Variants in LRMDA observed in about 807,000 individuals in gnomAD.
LRMDA encodes the protein leucine rich melanocyte differentiation associated.
LRMDA carries 18 observed loss-of-function variants against 29.8 expected under a neutral mutation model. That is an observed-to-expected ratio of 0.60 (90% confidence interval 0.42 to 0.90). LRMDA has a LOEUF of 0.90. Ranked by LOEUF, LRMDA falls within the 40% of genes least tolerant of loss-of-function variation. LRMDA has a pLI of 0.00. For missense variants in LRMDA, 273 were observed against 273.9 expected (o/e 1.00, Z 0.02); for synonymous variants, 125 against 109.4 (o/e 1.14, Z -0.89).
intron 5 of LRMDA, among the ~76,000 whole-genome samples, chr10:76,276,015 A>ATCTG (rs1238737731): frequency 7.3e-6 from 1 of 136,166 alleles, no homozygotes; most frequent in Non-Finnish European, 1.6e-5. Flanking sequence ...GAATCTATCT[A>ATCTG]TCTATCTATC....
At chr10:75,627,995 C>T (rs1267597426) in intron 2 of LRMDA, among the ~76,000 whole-genome samples, 1 of 152,184 alleles carries the variant, frequency 6.6e-6, no homozygotes, top group African/African-American at 2.4e-5. Context: ...CTCCAGCATC[C>T]TGGATGGTGC....
At chr10:75,971,717 G>A (rs1393925167) in intron 2 of LRMDA, among the ~76,000 whole-genome samples, 1 of 152,050 alleles carries the variant, frequency 6.6e-6, no homozygotes, top group African/African-American at 2.4e-5. Flanking sequence ...AGAATTATTG[G>A]GTATTTCAAG....
At chr10:75,761,304 G>A (rs867180783) in intron 2 of LRMDA, among the ~76,000 whole-genome samples, 6 of 152,070 alleles carry the variant, frequency 3.9e-5, no homozygotes, top group African/African-American at 1.4e-4. Context: ...ACAGATGAAT[G>A]GATAAACAAA....
chr10:76,225,314 G>A (rs903443906), intron 5 of LRMDA, among the ~76,000 whole-genome samples: 5 of 152,124 alleles, frequency 3.3e-5, no homozygotes, highest in African/African-American at 1.2e-4. Flanking sequence ...AGGAGGCAGA[G>A]GCAGGAGAAT....
chr10:76,043,063 A>G (rs760100934), intron 3 of LRMDA, among the ~76,000 whole-genome samples: 35 of 152,222 alleles, frequency 2.3e-4, no homozygotes, highest in Non-Finnish European at 4.4e-4. Flanking sequence ...CAGAGGTTGC[A>G]GTGAGCCGAG....
At chr10:76,285,290 G>A (rs1412588807) in intron 5 of LRMDA, among the ~76,000 whole-genome samples, 3 of 152,078 alleles carry the variant, frequency 2.0e-5, no homozygotes, top group African/African-American at 7.2e-5. Context: ...AAGTCACAAA[G>A]GGAGTAGTCA....
At chr10:75,473,647 T>A (rs555622674) in intron 2 of LRMDA, among the ~76,000 whole-genome samples, 1 of 152,332 alleles carries the variant, frequency 6.6e-6, no homozygotes, top group South Asian at 2.1e-4. Context: ...TGATGCTGGG[T>A]GAACTCCTTA....
intron 2 of LRMDA, among the ~76,000 whole-genome samples, chr10:75,806,051 G>T (rs541536315): frequency 1.3e-5 from 2 of 152,126 alleles, no homozygotes; most frequent in East Asian, 3.9e-4. Context: ...GGCAGGAGGC[G>T]AAGTGGGAGC....
chr10:76,513,665 T>G (rs762288565), intron 6 of LRMDA, among the ~76,000 whole-genome samples: 2 of 152,190 alleles, frequency 1.3e-5, no homozygotes, highest in Non-Finnish European at 2.9e-5. Flanking sequence ...TTATATATAA[T>G]AGTTGTCTGT....
chr10:75,599,768 A>G (rs1840857339), intron 2 of LRMDA, among the ~76,000 whole-genome samples: 1 of 152,170 alleles, frequency 6.6e-6, no homozygotes. Context: ...GAGGAACCGA[A>G]TTTTAAATTT....
chr10:76,210,915 A>G (rs1444103951), intron 5 of LRMDA, among the ~76,000 whole-genome samples: 3 of 152,178 alleles, frequency 2.0e-5, no homozygotes, highest in Non-Finnish European at 4.4e-5. Flanking sequence ...TTGGATGTCT[A>G]AGAGTTTTAT....
chr10:75,564,397 T>A (rs1342728210), intron 2 of LRMDA, among the ~76,000 whole-genome samples: 12 of 152,216 alleles, frequency 7.9e-5, no homozygotes, highest in Non-Finnish European at 2.9e-5. Context: ...AAGCGCAGTA[T>A]TAGGGTGGGA....
chr10:75,445,698 C>G (rs921686767), intron 2 of LRMDA, among the ~76,000 whole-genome samples: 1 of 152,246 alleles, frequency 6.6e-6, no homozygotes, highest in Non-Finnish European at 1.5e-5. Context: ...TCCCCTCCCC[C>G]AGGGGCCCTG....
chr10:76,536,735 A>T (rs1339851488), intron 6 of LRMDA, among the ~76,000 whole-genome samples: 5 of 152,060 alleles, frequency 3.3e-5, no homozygotes, highest in African/African-American at 9.7e-5. Flanking sequence ...CTTCTTAGTG[A>T]TGCTAAGATT....
intron 5 of LRMDA, among the ~76,000 whole-genome samples, chr10:76,101,007 A>T (rs1375728384): frequency 6.6e-6 from 1 of 151,904 alleles, no homozygotes; most frequent in Non-Finnish European, 1.5e-5. Flanking sequence ...ACATCCAGGC[A>T]TCAGAGGCCC....
chr10:75,988,455 C>T (rs1027563158), intron 2 of LRMDA, among the ~76,000 whole-genome samples: 5 of 152,004 alleles, frequency 3.3e-5, no homozygotes, highest in Non-Finnish European at 7.4e-5. Context: ...CCATGTCCCA[C>T]CCCCAACATG....
At chr10:76,358,062 G>A (rs1399284767) in intron 6 of LRMDA, among the ~76,000 whole-genome samples, 2 of 152,122 alleles carry the variant, frequency 1.3e-5, no homozygotes, top group East Asian at 3.9e-4. Flanking sequence ...CATATGGAGA[G>A]GTCCTTCCAC....
At chr10:76,040,064 G>T (rs1263845008) in intron 3 of LRMDA, among the ~76,000 whole-genome samples, 1 of 152,182 alleles carries the variant, frequency 6.6e-6, no homozygotes, top group Admixed American at 6.5e-5. Flanking sequence ...ACTAGGAGTG[G>T]ATGAGCTCTC....
chr10:76,152,096 G>A (rs536612560), intron 5 of LRMDA, among the ~76,000 whole-genome samples: 2 of 152,286 alleles, frequency 1.3e-5, no homozygotes, highest in East Asian at 3.9e-4. Context: ...ACAAGGTTGT[G>A]CAACTGTCAC....
Sources: allele counts gnomAD v4.1 joint callset (sites outside exome capture counted in the v4.1 genomes callset), GRCh38; gene constraint gnomAD v4.1.1; transcripts MANE v1.5; gene names NCBI Gene and HGNC (gene_info 2026-07-23, HGNC 2026-07-21).